Variants in TMCO1 observed in about 807,000 individuals in gnomAD.
The protein encoded by TMCO1 is transmembrane and coiled-coil domains 1, also known as calcium load-activated calcium channel.
In TMCO1, 29 loss-of-function variants were observed where a neutral mutation model predicts 29.3. That is an observed-to-expected ratio of 0.99 (90% confidence interval 0.74 to 1.35). The LOEUF is 1.35. Ranked by LOEUF, TMCO1 falls within the 40% of genes most tolerant of loss-of-function variation. The pLI is 0.00. For synonymous variants in TMCO1, 80 were observed against 77.1 expected (o/e 1.04, Z -0.20); for missense variants, 173 against 225.5 (o/e 0.77, Z 1.49).
intron 4 of TMCO1, among the ~76,000 whole-genome samples, chr1:165,753,176 CTT>C (rs1312551819): frequency 1.3e-5 from 2 of 152,030 alleles, no homozygotes; most frequent in Non-Finnish European, 2.9e-5. Context: ...CAAAAGGTCT[CTT>C]AAAGAACAAA....
intron 5 of TMCO1, among the ~76,000 whole-genome samples, chr1:165,748,345 A>G (rs1459793940): frequency 6.6e-6 from 1 of 152,198 alleles, no homozygotes; most frequent in African/African-American, 2.4e-5. Context: ...GGCTATTGTG[A>G]TACCAAGCAA....
Position 165,728,131 on chromosome 1 carries a change from A to G in TMCO1, c.469-10T>C. The G allele has an allele frequency of 6.2e-7, 1 of 1,602,162 alleles. No individual in the cohort carries two copies. Among genetic ancestry groups the G allele is most frequent in the South Asian group, 1.1e-5 (1 of 90,776 alleles). The stretch of plus-strand genomic sequence containing the variant: ...GAATCTTCTGAATGTTCTGTGAAGA[A>G]AGCACAGTAAGGATTGGGTTTTAAT... On this transcript the variant is annotated splice_polypyrimidine_tract_variant and intron_variant, in intron 6 of 6. Coordinates refer to ENST00000367881, the MANE Select transcript of TMCO1 (RefSeq NM_019026.6).
chr1:165,768,320 A>C (rs755088484), intron 1 of TMCO1, 51 bp from the exon 2 acceptor site: 20 of 1,572,936 alleles, frequency 1.3e-5, no homozygotes, highest in Non-Finnish European at 1.7e-5. Flanking sequence ...GAATGATCAC[A>C]ACAAACAAAG....
intron 6 of TMCO1, among the ~76,000 whole-genome samples, chr1:165,733,204 A>G (rs1165280647): frequency 6.6e-6 from 1 of 152,234 alleles, no homozygotes; most frequent in Non-Finnish European, 1.5e-5. Context: ...GCACTTTTGT[A>G]TATATTATCT....
intron 6 of TMCO1, among the ~76,000 whole-genome samples, chr1:165,739,318 A>G (rs912122116): frequency 6.6e-6 from 1 of 152,222 alleles, no homozygotes; most frequent in African/African-American, 2.4e-5. Flanking sequence ...TGATAAAATA[A>G]CTGACACACA....
chr1:165,747,174 T>C (rs1186599883), intron 5 of TMCO1, among the ~76,000 whole-genome samples: 2 of 145,454 alleles, frequency 1.4e-5, no homozygotes, highest in Non-Finnish European at 1.5e-5. Context: ...GGCAGGAGAA[T>C]CACTTGAACC....
rs780718220 is a variant in TMCO1 at position 165,728,038 on chromosome 1, A to G, written c.552T>C (p.Ser184=). The change falls in exon 7 of 7, where the codon TCT becomes TCC. Residue 184 remains serine, a synonymous_variant. Transcript: ENST00000367881. The stretch of plus-strand genomic sequence containing the variant: ...GTTCTTGAGTTCAAGAGAACTTCCC[A>G]GAAGGAGGTGGTGGGCCAAGAAATC... ...AGGFLGPPPP[S]GKFS is the part of the protein sequence containing the mutation. 5.6e-6 allele frequency: 9 copies of G among 1,607,698 alleles called. No homozygotes were observed. The highest frequency in any genetic ancestry group is 7.7e-6 in the Non-Finnish European group (9 of 1,175,866).
intron 4 of TMCO1, among the ~76,000 whole-genome samples, chr1:165,753,848 T>TA (rs1652087730): frequency 6.6e-6 from 1 of 151,952 alleles, no homozygotes; most frequent in South Asian, 2.1e-4. Flanking sequence ...AAGACAGTAA[T>TA]AAAAGCCATT....
At chr1:165,751,718 A>G (rs755119241) in intron 5 of TMCO1, among the ~76,000 whole-genome samples, 2 of 151,666 alleles carry the variant, frequency 1.3e-5, no homozygotes, top group Non-Finnish European at 2.9e-5. Context: ...AAAAAAAAAG[A>G]CCCAAAAAAC....
rs140488018 is a variant in TMCO1, at chr1:165,747,477, A to G, written c.324-4166T>C. Among the ~76,000 whole-genome samples, 4 of 152,336 alleles carry G rather than the reference A, an allele frequency of 2.6e-5. No homozygotes were observed. The East Asian group carries it at 7.7e-4, about 29-fold the overall frequency. ...TCAAAATTAATGTACAAATTTAATA[A>G]AATTTCAGACAAAACTCAGAAGGGA... On this transcript the variant is annotated intron_variant, in intron 5 of 6. Transcript: ENST00000367881.
At chr1:165,749,372 G>A (rs970970294) in intron 5 of TMCO1, among the ~76,000 whole-genome samples, 3 of 152,074 alleles carry the variant, frequency 2.0e-5, no homozygotes, top group South Asian at 4.1e-4. Flanking sequence ...CTACTGATAC[G>A]TAATAAACAA....
chr1:165,735,414 G>A (rs1222602687), intron 6 of TMCO1, among the ~76,000 whole-genome samples: 2 of 151,792 alleles, frequency 1.3e-5, no homozygotes. Flanking sequence ...GAAAACCACA[G>A]CTACTGGAAA....
At position 165,727,102 on chromosome 1, in the gene TMCO1, C is replaced by T. The variant is rs573602271; in HGVS notation, c.*921G>A. On this transcript the variant is annotated 3_prime_UTR_variant, in exon 7 of 7. Coordinates refer to ENST00000367881, the MANE Select transcript of TMCO1 (RefSeq NM_019026.6). ...GGAGGATCATGGTACAAACATCCTT[C>T]TCCCTTATGAAGGGGCATGGCAGAA... 6.6e-6 allele frequency: 3 copies of T among 454,080 alleles called. No homozygotes were observed. The highest frequency in any genetic ancestry group is 4.7e-5 in the South Asian group (3 of 64,470). 28.1% of individuals were successfully genotyped at this position (454,080 alleles called of 1,614,324 possible).
At chr1:165,724,470 T>C (rs746760159), downstream of TMCO1, 3 of 454,010 alleles carry the variant, frequency 6.6e-6, no homozygotes, top group African/African-American at 6.0e-5. Context: ...GGCAGAGAGA[T>C]GCTGATGAAC....
At chr1:165,724,791 T>C (rs1190128042), downstream of TMCO1, 2 of 453,836 alleles carry the variant, frequency 4.4e-6, no homozygotes, top group Non-Finnish European at 8.8e-6. Flanking sequence ...GTCCATTTTC[T>C]TAGGTGTAAA....
chr1:165,745,474 C>CA (rs570579214), intron 5 of TMCO1, among the ~76,000 whole-genome samples: 84 of 101,288 alleles, frequency 8.3e-4, no homozygotes, highest in South Asian at 6.1e-3. Context: ...CTATCTCTAC[C>CA]AAAAAAAAAA....
At chr1:165,745,102 C>A (rs1324974692) in intron 5 of TMCO1, among the ~76,000 whole-genome samples, 1 of 150,400 alleles carries the variant, frequency 6.6e-6, no homozygotes, top group Non-Finnish European at 1.5e-5. Flanking sequence ...CTCACTGCAG[C>A]CTTGACCTCC....
chr1:165,727,309 ACAT>A lies in TMCO1; in HGVS notation c.*711_*713del, dbSNP rs758079005. ...TTATTTATATTTAATTTTTTTTCAG[ACAT>A]CAGTGTTACTTGCCAAGACCCTCAT... is the stretch of plus-strand genomic sequence containing the variant. On this transcript the variant is annotated 3_prime_UTR_variant, in exon 7 of 7. Transcript: ENST00000367881. The A allele has an allele frequency of 2.2e-6, 1 of 448,526 alleles. No homozygotes were observed. Among genetic ancestry groups the A allele is most frequent in the South Asian group, 1.6e-5 (1 of 62,058 alleles). 27.8% of individuals were successfully genotyped at this position (448,526 alleles called of 1,614,324 possible). A position where few individuals can be genotyped will look rare whatever the true frequency, so the allele number is the denominator to read the frequency against.
intron 5 of TMCO1, among the ~76,000 whole-genome samples, chr1:165,750,548 A>AG (rs1350558300): frequency 1.7e-4 from 25 of 150,180 alleles, no homozygotes; most frequent in Non-Finnish European, 5.9e-5. Context: ...TCTCAAAAAA[A>AG]AAAAGAAAAA....
Sources: allele counts gnomAD v4.1 joint callset (sites outside exome capture counted in the v4.1 genomes callset), GRCh38; gene constraint gnomAD v4.1.1; transcripts MANE v1.5; gene names NCBI Gene and HGNC (gene_info 2026-07-23, HGNC 2026-07-21).